LONRF3: variants seen among roughly 807,000 people sequenced by gnomAD.
LONRF3 encodes LON peptidase N-terminal domain and RING finger protein 3.
In LONRF3, 19 loss-of-function variants were observed where a neutral mutation model predicts 51.7. That is an observed-to-expected ratio of 0.37 (90% CI 0.26 to 0.54). The LOEUF (loss-of-function observed/expected upper bound fraction) is 0.54, where lower values mean the gene tolerates loss of function less well. Among genes scored for constraint, LONRF3 ranks in the 20% least tolerant of loss-of-function variants. LONRF3 has a pLI of 0.86. For missense variants in LONRF3, 521 were observed against 623.9 expected (o/e 0.84, Z 1.76); for synonymous variants, 265 against 257.8 (o/e 1.03, Z -0.27).
In LONRF3 at chrX:118,990,546, C is replaced by T. The variant is rs1471680397; in HGVS notation, c.1401C>T (p.Cys467=). The change falls in exon 5 of 11, where the codon TGC becomes TGT. Residue 467 remains cysteine (C), a synonymous_variant. Transcript: ENST00000371628. ...CTTTCGACGCATCTGACCTTGAATG[C>T]GCTCTATGTATGAGGTACGTCCTGT... ...LASFDASDLE[C]ALCMRLFYEP... 6.7e-6 allele frequency: 8 copies of T among 1,200,705 alleles called. No individual in the cohort carries two copies. The highest frequency in any genetic ancestry group is 1.8e-5 in the South Asian group (1 of 56,562).
In LONRF3 at chrX:118,974,961, G is replaced by A. The variant is rs1260118210; in HGVS notation, c.181G>A (p.Gly61Arg). The A allele has an allele frequency of 3.4e-6, 4 of 1,178,586 alleles. No individual in the cohort carries two copies. The highest frequency in any genetic ancestry group is 2.5e-5 in the Admixed American group (1 of 40,698). ...GGAGCCAGAGCAAGAGCAGTCTCCG[G>A]GGACCTCAACGCCGGAGAGCAAAGT... ...TREPEQEQSP[G>R]TSTPESKVLL... Residue 61 changes from glycine (G) to arginine (R), a missense_variant, in exon 1 of 11, where the codon GGG becomes AGG. Around this residue, in one of 2 missense-constraint regions of LONRF3, gnomAD observed 376 missense variants for 376.7 expected, o/e 1.00. Coordinates refer to ENST00000371628, the MANE Select transcript of LONRF3 (RefSeq NM_001031855.3).
rs1249027557 is a variant in LONRF3 at position 119,012,405 on chromosome X, C to G, written c.1811+432C>G. ...GTGAGTTAATAATGTACATAAAATG[C>G]TGAGCACAGTTCCTGGCTTCCTTAG... On this transcript the variant is annotated intron_variant, in intron 8 of 10. Transcript: ENST00000371628. Among the ~76,000 whole-genome samples the G allele has an allele frequency of 1.4e-4, 15 of 110,834 alleles. No homozygotes were observed. The Admixed American group carries it at 1.5e-3, about 11-fold the overall frequency.
At chrX:118,979,150 G>A (rs1288812605) in intron 2 of LONRF3, among the ~76,000 whole-genome samples, 4 of 108,429 alleles carry the variant, frequency 3.7e-5, no homozygotes, top group Admixed American at 9.8e-5. Flanking sequence ...ACAGGCGCCC[G>A]CCACCACACC....
chrX:119,013,342 G>A, intron 9 of LONRF3, 141 bp downstream of exon 9: 1 of 612,539 alleles, frequency 1.6e-6, no homozygotes, highest in Admixed American at 3.9e-5. Context: ...ATTGAATGCT[G>A]CTGGATTGCT....
In LONRF3 at chrX:118,975,345, G is replaced by A. The variant is rs914706798; in HGVS notation, c.565G>A (p.Asp189Asn). The A allele has an allele frequency of 2.5e-6, 3 of 1,209,965 alleles. No homozygotes were observed. The highest frequency in any genetic ancestry group is 3.4e-6 in the Non-Finnish European group (3 of 894,955). Reference sequence around the variant, plus strand: ...GTGCCTGGAACGTGGGCGGGCCGCCGACCGGCGCTGTGCGCTGTGCGGGGT... The same window carrying A: ...GTGCCTGGAACGTGGGCGGGCCGCCAACCGGCGCTGTGCGCTGTGCGGGGT... ...KLCLERGRAADRRCALCGVKL... is the reference protein window; with the variant it reads ...KLCLERGRAANRRCALCGVKL... Residue 189 changes from aspartate to asparagine, a missense_variant, in exon 1 of 11, where the codon GAC (aspartate) becomes AAC (asparagine). Asp to Asn is a conservative substitution (Grantham distance 23). Around this residue, in one of 2 missense-constraint regions of LONRF3, gnomAD observed 376 missense variants for 376.7 expected, o/e 1.00. Transcript: ENST00000371628.
chrX:119,006,804 G>A (rs897046329), intron 6 of LONRF3, among the ~76,000 whole-genome samples: 1 of 111,144 alleles, frequency 9.0e-6, no homozygotes, highest in African/African-American at 3.3e-5. Flanking sequence ...TAACCAGGAT[G>A]ATCTGGATCT....
chrX:119,016,363 T>TTTG (rs1293405463), intron 10 of LONRF3, among the ~76,000 whole-genome samples: 3 of 105,514 alleles, frequency 2.8e-5, no homozygotes, highest in Non-Finnish European at 5.9e-5. Context: ...TTTTTTTTTT[T>TTTG]TTTGAGACGG....
At chrX:119,016,865 C>T (rs1464211627) in intron 10 of LONRF3, among the ~76,000 whole-genome samples, 2 of 111,478 alleles carry the variant, frequency 1.8e-5, no homozygotes, top group Admixed American at 9.6e-5. Context: ...TCATGGGAAT[C>T]GAAGGCCTGA....
At chrX:118,985,732 G>A (rs753535337) in intron 3 of LONRF3, among the ~76,000 whole-genome samples, 1 of 111,668 alleles carries the variant, frequency 9.0e-6, no homozygotes, top group Admixed American at 9.5e-5. Flanking sequence ...TGTAGAACAG[G>A]ACTGGAATAG....
intron 7 of LONRF3, among the ~76,000 whole-genome samples, chrX:119,011,172 T>A (rs1925085648): frequency 9.2e-6 from 1 of 109,275 alleles, no homozygotes; most frequent in Non-Finnish European, 1.9e-5. Flanking sequence ...AGCTAATGCA[T>A]CAGTATCTCT....
intron 6 of LONRF3, 23 bp from the exon 7 acceptor site, chrX:119,009,103 T>C: frequency 2.5e-6 from 3 of 1,192,684 alleles, no homozygotes; most frequent in Non-Finnish European, 3.4e-6. Context: ...TTGCATATTG[T>C]CTAATTGCCT....
At chrX:118,996,366 A>G (rs183550978) in intron 5 of LONRF3, among the ~76,000 whole-genome samples, 106 of 111,009 alleles carry the variant, frequency 9.5e-4, no homozygotes, top group African/African-American at 3.2e-3. Context: ...GTAAAGAGGA[A>G]CTCAGATTGT....
chrX:118,975,777 T>C (rs1921988036), intron 1 of LONRF3, among the ~76,000 whole-genome samples, 180 bp downstream of exon 1: 2 of 109,491 alleles, frequency 1.8e-5, no homozygotes, highest in African/African-American at 6.7e-5. Context: ...GTTTGTTCTG[T>C]TTTCACTGCT....
intron 3 of LONRF3, 59 bp from the exon 4 acceptor site, chrX:118,989,349 T>C: frequency 8.6e-7 from 1 of 1,159,050 alleles, no homozygotes; most frequent in Non-Finnish European, 1.2e-6. Flanking sequence ...TGGGTAGGAA[T>C]ATGAGAGGAC....
Position 119,017,595 on chromosome X carries a change from C to T in LONRF3, c.2185C>T (p.Arg729Ter). ...GTTAGCAGTTCTTCCCTTGGAAAGC[C>T]GAGCTCAGCTCCCCTTCCTAGCAAT... is the stretch of plus-strand genomic sequence containing the variant. ...WMLAVLPLES[R>*]AQLPFLAMRS... The change falls in exon 11 of 11, where the codon CGA becomes TGA. Residue 729 changes from arginine to a stop codon, truncating the protein, a stop_gained. Coordinates refer to ENST00000371628, the MANE Select transcript of LONRF3 (RefSeq NM_001031855.3). LOFTEE classifies it high-confidence loss of function. 2 of 1,210,588 alleles carry T rather than the reference C, an allele frequency of 1.7e-6. No individual in the cohort carries two copies. The highest frequency in any genetic ancestry group is 2.2e-6 in the Non-Finnish European group (2 of 894,862).
At chrX:118,987,719 G>A (rs142566551) in intron 3 of LONRF3, among the ~76,000 whole-genome samples, 2 of 110,243 alleles carry the variant, frequency 1.8e-5, no homozygotes, top group South Asian at 7.8e-4. Flanking sequence ...CCCTCCTTTC[G>A]AGCTTTTGTT....
Position 119,016,258 on chromosome X carries a change from A to G in LONRF3, c.2125-1277A>G, listed in dbSNP as rs776650396. 6.3e-3 allele frequency among the ~76,000 whole-genome samples: 698 copies of G among 111,666 alleles called. 2 individuals are homozygous for G. The highest frequency in any genetic ancestry group is 0.01 in the Non-Finnish European group (545 of 53,055). ...CCAATGTCTAAAATATGTGCCAGGG[A>G]AGCTGCTTTGGGGAAGGATTTATGT... is the stretch of plus-strand genomic sequence containing the variant. On this transcript the variant is annotated intron_variant, in intron 10 of 10. Transcript: ENST00000371628.
chrX:118,983,100 T>G (rs12391696), intron 3 of LONRF3, among the ~76,000 whole-genome samples, 157 bp downstream of exon 3: 1 of 110,190 alleles, frequency 9.1e-6, no homozygotes, highest in African/African-American at 3.3e-5. Flanking sequence ...GGAGTGTTAA[T>G]TGATTGCCCA....
intron 6 of LONRF3, 73 bp downstream of exon 6, chrX:119,006,308 T>A (rs1924700376): frequency 1.3e-6 from 1 of 790,877 alleles, no homozygotes; most frequent in African/African-American, 2.0e-5. Context: ...TATTTGGAAT[T>A]GGGCACTAAG....
Sources: gnomAD v4.1 joint callset for allele counts (sites outside exome capture counted in the v4.1 genomes callset) on GRCh38, gnomAD v4.1.1 for gene constraint, gnomAD v4.1.1 regional missense constraint, MANE v1.5 for transcripts, NCBI Gene and HGNC (gene_info 2026-07-23, HGNC 2026-07-21) for gene names.